Variants in NYAP2 observed in about 807,000 individuals in gnomAD.
NYAP2 encodes the protein neuronal tyrosine-phosphorylated phosphoinositide-3-kinase adaptor 2, also known as neuronal tyrosine-phosphorylated phosphoinositide-3-kinase adapter 2.
Under a neutral mutation model 50.4 loss-of-function variants are expected in NYAP2, and 23 were observed. The ratio of observed to expected loss-of-function variants is 0.46; its 90% CI spans 0.33 to 0.65. The LOEUF (loss-of-function observed/expected upper bound fraction) is 0.65. Among genes scored for constraint, NYAP2 ranks in the 30% least tolerant of loss-of-function variants. The pLI is 0.02. For missense variants in NYAP2, 885 were observed against 861.0 expected (o/e 1.03, Z -0.35); for synonymous variants, 394 against 365.2 (o/e 1.08, Z -0.90).
chr2:225,615,805 C>T (rs1027100474), intron 5 of NYAP2, among the ~76,000 whole-genome samples: 6 of 152,164 alleles, frequency 3.9e-5, no homozygotes, highest in Admixed American at 2.6e-4. Context: ...CTGGGGCCTT[C>T]TCGTTGACCT....
intron 4 of NYAP2, among the ~76,000 whole-genome samples, chr2:225,519,540 C>G (rs1253883057): frequency 6.6e-6 from 1 of 150,636 alleles, no homozygotes; most frequent in Non-Finnish European, 1.5e-5. Context: ...TTTGTTCTTG[C>G]GATAGTTTAC....
intron 5 of NYAP2, among the ~76,000 whole-genome samples, chr2:225,622,545 CTTTCTTTCTTTCTTTTTCTTT>C (rs1693129509): frequency 1.5e-5 from 1 of 64,710 alleles, no homozygotes; most frequent in African/African-American, 6.4e-5. Context: ...TTCTTTCTTT[CTTTCTTTCTTTCTTTTTCTTT>C]CTTTCTTTCT....
At chr2:225,459,251 C>T (rs944932247) in intron 3 of NYAP2, among the ~76,000 whole-genome samples, 29 of 152,030 alleles carry the variant, frequency 1.9e-4, no homozygotes, top group Admixed American at 3.9e-4. Context: ...TGATATGCAC[C>T]TGTCTTCTTC....
At chr2:225,656,255 A>C (rs1389628487), downstream of NYAP2, among the ~76,000 whole-genome samples, 1 of 152,020 alleles carries the variant, frequency 6.6e-6, no homozygotes, top group African/African-American at 2.4e-5. Context: ...TGAAGCCATG[A>C]TCTCTGTGGG....
intron 3 of NYAP2, among the ~76,000 whole-genome samples, chr2:225,500,213 T>C (rs1002832055): frequency 2.0e-5 from 3 of 152,214 alleles, no homozygotes; most frequent in African/African-American, 7.2e-5. Flanking sequence ...TTCAGATTTG[T>C]CAAAACCGAG....
At chr2:225,473,875 G>T (rs1407343492) in intron 3 of NYAP2, among the ~76,000 whole-genome samples, 1 of 152,094 alleles carries the variant, frequency 6.6e-6, no homozygotes, top group African/African-American at 2.4e-5. Context: ...TAGACATGAA[G>T]TCCTTGCCCA....
chr2:225,483,745 G>A (rs113508323), intron 3 of NYAP2, among the ~76,000 whole-genome samples: 4 of 152,102 alleles, frequency 2.6e-5, no homozygotes, highest in South Asian at 2.1e-4. Flanking sequence ...AGGTTTATAC[G>A]GAAATAATTT....
intron 3 of NYAP2, among the ~76,000 whole-genome samples, chr2:225,460,521 T>C (rs1689812513): frequency 6.6e-6 from 1 of 152,206 alleles, no homozygotes; most frequent in African/African-American, 2.4e-5. Context: ...TGGAGGAAGA[T>C]CAATCAGTGT....
At chr2:225,654,366 T>G (rs372139450), downstream of NYAP2, among the ~76,000 whole-genome samples, 1 of 152,012 alleles carries the variant, frequency 6.6e-6, no homozygotes, top group Admixed American at 6.6e-5. Context: ...AGGAAAATCA[T>G]TGGAATTCAT....
intron 3 of NYAP2, among the ~76,000 whole-genome samples, chr2:225,509,304 T>A (rs964757548): frequency 1.1e-4 from 17 of 152,186 alleles, no homozygotes; most frequent in African/African-American, 4.1e-4. Flanking sequence ...GTGGATAACC[T>A]TGGTTTCACA....
the NYAP2 span, among the ~76,000 whole-genome samples, chr2:225,685,193 T>C: frequency 1.3e-5 from 2 of 152,174 alleles, no homozygotes; most frequent in Non-Finnish European, 1.5e-5. Flanking sequence ...TCCTTGCCTA[T>C]GAGCTTCCTT....
At chr2:225,414,742 A>T (rs796314172) in intron 3 of NYAP2, among the ~76,000 whole-genome samples, 6 of 152,278 alleles carry the variant, frequency 3.9e-5, no homozygotes, top group African/African-American at 1.4e-4. Context: ...ATATTCACTG[A>T]GAAGGACGGG....
At chr2:225,630,627 G>C (rs550635860) in intron 6 of NYAP2, among the ~76,000 whole-genome samples, 80 of 152,320 alleles carry the variant, frequency 5.3e-4, no homozygotes, top group African/African-American at 1.9e-3. Flanking sequence ...TATTAGCAGG[G>C]ATAAAAGGGG....
intron 5 of NYAP2, among the ~76,000 whole-genome samples, chr2:225,613,605 C>A (rs1043804020): frequency 6.6e-6 from 1 of 152,132 alleles, no homozygotes; most frequent in Non-Finnish European, 1.5e-5. Flanking sequence ...CAGCATCTGA[C>A]CCATAGTAGC....
At chr2:225,622,781 T>A (rs530652274) in intron 5 of NYAP2, among the ~76,000 whole-genome samples, 1 of 151,900 alleles carries the variant, frequency 6.6e-6, no homozygotes, top group African/African-American at 2.4e-5. Context: ...GGTTTCACCA[T>A]GTTGGCCAGG....
intron 3 of NYAP2, among the ~76,000 whole-genome samples, chr2:225,448,283 A>G (rs754550090): frequency 7.2e-5 from 11 of 152,198 alleles, no homozygotes; most frequent in Non-Finnish European, 1.6e-4. Flanking sequence ...ATCAATAACT[A>G]TTACAGATCA....
the NYAP2 span, among the ~76,000 whole-genome samples, chr2:225,678,879 G>C: frequency 6.6e-6 from 1 of 152,050 alleles, no homozygotes; most frequent in Non-Finnish European, 1.5e-5. Flanking sequence ...TAACCTTTCT[G>C]ACTCAGGTGC....
chr2:225,397,975 T>C (rs1694800259), upstream of NYAP2, among the ~76,000 whole-genome samples: 1 of 151,994 alleles, frequency 6.6e-6, no homozygotes, highest in African/African-American at 2.4e-5. Flanking sequence ...TTTCCTAAAG[T>C]TGAATATATG....
At chr2:225,471,924 C>T (rs1690017330) in intron 3 of NYAP2, among the ~76,000 whole-genome samples, 3 of 152,128 alleles carry the variant, frequency 2.0e-5, no homozygotes, top group African/African-American at 4.8e-5. Context: ...TTTTAACATA[C>T]AGAATTTAAC....
Sources: allele counts gnomAD v4.1 joint callset (sites outside exome capture counted in the v4.1 genomes callset), GRCh38; gene constraint gnomAD v4.1.1; transcripts MANE v1.5; gene names NCBI Gene and HGNC (gene_info 2026-07-23, HGNC 2026-07-21).